FOXC2: variants seen among roughly 807,000 people sequenced by gnomAD.
FOXC2 encodes the protein forkhead box C2, also known as forkhead box protein C2.
FOXC2 carries 7 observed loss-of-function variants against 7.2 expected under a neutral mutation model. The ratio of observed to expected loss-of-function variants is 0.97; its 90% CI spans 0.55 to 1.81. The LOEUF (loss-of-function observed/expected upper bound fraction) is 1.81, where lower values mean the gene tolerates loss of function less well. Ranked by LOEUF, FOXC2 falls within the 40% of genes most tolerant of loss-of-function variation. The pLI, the probability that FOXC2 is intolerant of heterozygous loss-of-function variation, is 0.00. For synonymous variants in FOXC2, 436 were observed against 350.4 expected, an observed-to-expected ratio of 1.24 and a Z score of -2.73; for missense variants, 846 against 741.2, an observed-to-expected ratio of 1.14 and a Z score of -1.64.
At position 86,569,145 on chromosome 16, in the gene FOXC2, G is replaced by A. The variant is rs1394739867; in HGVS notation, c.*304G>A. 8 of 502,766 alleles carry A rather than the reference G, an allele frequency of 1.6e-5. No individual in the cohort carries two copies. The highest frequency in any genetic ancestry group is 3.0e-5 in the Non-Finnish European group (8 of 267,488). 31.1% of individuals were successfully genotyped at this position (502,766 alleles called of 1,614,324 possible). On this transcript the variant is annotated 3_prime_UTR_variant, in exon 1 of 1. Transcript: ENST00000649859. ...CTACCAGGACGGCTGTGCTGTGCTC[G>A]ACCTGAGCTTTCAAAAGTTAAGTTA... is the stretch of plus-strand genomic sequence containing the variant.
At position 86,566,935 on chromosome 16, in the gene FOXC2, G is replaced by C. The variant is rs970343721; in HGVS notation, c.-401G>C. ...ACCCTCGGGGCTGCCGATTCGCTGGGGGCTTGGAGAGCCTCCTGCGCCCCT... is the reference window on the plus strand; with the variant it reads ...ACCCTCGGGGCTGCCGATTCGCTGGCGGCTTGGAGAGCCTCCTGCGCCCCT... On this transcript the variant is annotated 5_prime_UTR_variant, in exon 1 of 1. Transcript: ENST00000649859. The surrounding 1 kb of genome is among the most constrained non-coding windows in gnomAD (Gnocchi z 4.3). Among the ~76,000 whole-genome samples, 11 of 152,096 alleles carry C rather than the reference G, an allele frequency of 7.2e-5. No homozygotes were observed. Among genetic ancestry groups the C allele is most frequent in the African/African-American group, 2.7e-4 (11 of 41,440 alleles).
rs766581061 is a variant in FOXC2, at chr16:86,568,304, C to T, written c.969C>T (p.Ala323=). 6.3e-6 allele frequency: 8 copies of T among 1,270,010 alleles called. No homozygotes were observed. Among genetic ancestry groups the T allele is most frequent in the East Asian group, 3.2e-5 (1 of 30,788 alleles). 78.7% of individuals were successfully genotyped at this position (1,270,010 alleles called of 1,614,324 possible). The change falls in exon 1 of 1, where the codon GCC becomes GCT. Residue 323 remains alanine (A), a synonymous_variant. Transcript: ENST00000649859. The surrounding 1 kb of genome is among the most constrained non-coding windows in gnomAD (Gnocchi z 5.2). ...AGCCGTGCGCTCAGGGCCTGGAGGC[C>T]GGGGCCGCCGGGGGCTACCAGTGCA... ...YGQPCAQGLE[A]GAAGGYQCSM...
rs1974208207 is a variant in FOXC2, at chr16:86,567,267, C to G, written c.-69C>G. On this transcript the variant is annotated 5_prime_UTR_variant, in exon 1 of 1. Coordinates refer to ENST00000649859, the MANE Select transcript of FOXC2 (RefSeq NM_005251.3). ...TGGCTCTCTCGCGCTCTCTCGCTCT[C>G]AGGGCCCCCCTCGCTCCCCCGGCCG... The G allele has an allele frequency of 6.3e-7, 1 of 1,583,680 alleles. No individual in the cohort carries two copies. Among genetic ancestry groups the G allele is most frequent in the Non-Finnish European group, 8.6e-7 (1 of 1,159,494 alleles).
In FOXC2 at chr16:86,568,877, G is replaced by C. The variant is rs974941689; in HGVS notation, c.*36G>C. On this transcript the variant is annotated 3_prime_UTR_variant, in exon 1 of 1. Coordinates refer to ENST00000649859, the MANE Select transcript of FOXC2 (RefSeq NM_005251.3). The surrounding 1 kb of genome is among the most constrained non-coding windows in gnomAD (Gnocchi z 5.2). ...GACCTCCCCTCCCCGGCCCGCTCCG[G>C]CTTCGCTTCCCAGCCCCGACCCAAC... is the stretch of plus-strand genomic sequence containing the variant. 6.2e-6 allele frequency: 10 copies of C among 1,610,784 alleles called. No individual in the cohort carries two copies. The highest frequency in any genetic ancestry group is 8.5e-6 in the Non-Finnish European group (10 of 1,178,946).
Position 86,568,367 on chromosome 16 carries a change from G to T in FOXC2, c.1032G>T (p.Arg344=). The change falls in exon 1 of 1, where the codon CGG becomes CGT. Residue 344 remains arginine, a synonymous_variant. Transcript: ENST00000649859. This position sits in a 1 kb window ranked among gnomAD's most constrained non-coding sequence, Gnocchi z 5.2. ...RAMSLYTGAE[R]PAHMCVPPAL... is the part of the protein sequence containing the mutation. ...TGAGCCTGTACACCGGGGCCGAGCG[G>T]CCGGCGCACATGTGCGTCCCGCCCG... 3 of 1,377,968 alleles carry T rather than the reference G, an allele frequency of 2.2e-6. No individual in the cohort carries two copies. The highest frequency in any genetic ancestry group is 2.7e-5 in the Admixed American group (1 of 36,772). The allele number at this position is 1,377,968 out of a possible 1,614,324, so 85.4% of individuals were successfully genotyped here.
Position 86,567,911 on chromosome 16 carries a change from G to C in FOXC2, c.576G>C (p.Lys192Asn). The C allele has an allele frequency of 1.9e-6, 3 of 1,579,302 alleles. No homozygotes were observed. Among genetic ancestry groups the C allele is most frequent in the Non-Finnish European group, 2.6e-6 (3 of 1,172,120 alleles). Reference protein sequence around the residue: ...HLKEPPPAASKGAPATPHLAD... With the variant: ...HLKEPPPAASNGAPATPHLAD... Reference sequence around the variant, plus strand: ...AGGAGCCGCCCCCGGCGGCGTCCAAGGGCGCCCCGGCCACCCCCCACCTAG... The same window carrying C: ...AGGAGCCGCCCCCGGCGGCGTCCAACGGCGCCCCGGCCACCCCCCACCTAG... The change falls in exon 1 of 1, where the codon AAG becomes AAC. Residue 192 changes from lysine (K) to asparagine (N), a missense_variant. By Grantham distance (94) the Lys-to-Asn change is moderately conservative. This residue lies in a region of FOXC2 where 640 missense variants were observed against 503.2 expected (regional missense o/e 1.27). Transcript: ENST00000649859.
rs200353178 is a variant in FOXC2 at position 86,568,848 on chromosome 16, C to T, written c.*7C>T. ...CGACTGCACGAAATACTGACGTGTCCCGGGACCTCCCCTCCCCGGCCCGCT... is the reference window on the plus strand; with the variant it reads ...CGACTGCACGAAATACTGACGTGTCTCGGGACCTCCCCTCCCCGGCCCGCT... On this transcript the variant is annotated 3_prime_UTR_variant, in exon 1 of 1. Transcript: ENST00000649859. The surrounding 1 kb of genome is among the most constrained non-coding windows in gnomAD (Gnocchi z 5.2). The T allele has an allele frequency of 5.6e-6, 9 of 1,612,466 alleles. No individual in the cohort carries two copies. The East Asian group carries it at 1.3e-4, about 24-fold the overall frequency.
chr16:86,567,865 A>G lies in FOXC2; in HGVS notation c.530A>G (p.Lys177Arg), dbSNP rs199924880. 6.2e-7 allele frequency: 1 copy of G among 1,611,820 alleles called. No individual in the cohort carries two copies. Among genetic ancestry groups the G allele is most frequent in the Non-Finnish European group, 8.5e-7 (1 of 1,179,946 alleles). ...RFKKKDVSKE[K>R]EERAHLKEPP... ...AAAAAGAAGGACGTGTCCAAGGAGA[A>G]GGAGGAGCGGGCCCACCTCAAGGAG... The change falls in exon 1 of 1, where the codon AAG becomes AGG. Residue 177 changes from lysine to arginine, a missense_variant. Transcript: ENST00000649859.
rs927749175 is a variant in FOXC2 at position 86,568,938 on chromosome 16, A to G, written c.*97A>G. 7.5e-5 allele frequency: 113 copies of G among 1,500,910 alleles called. No homozygotes were observed. Among genetic ancestry groups the G allele is most frequent in the Non-Finnish European group, 7.9e-5 (87 of 1,097,124 alleles). The allele number at this position is 1,500,910 out of a possible 1,614,324, so 93.0% of individuals were successfully genotyped here. On this transcript the variant is annotated 3_prime_UTR_variant, in exon 1 of 1. Transcript: ENST00000649859. This position sits in a 1 kb window ranked among gnomAD's most constrained non-coding sequence, Gnocchi z 5.2. The stretch of plus-strand genomic sequence containing the variant: ...AGGGGCTGCAGAGACGCAAAAAAGA[A>G]ACAAAACATGTCCACCAACCTTTTC...
At position 86,568,816 on chromosome 16, in the gene FOXC2, ACTC is replaced by A; in HGVS notation, c.1484_1486del (p.Ser495del). The A allele has an allele frequency of 6.2e-7, 1 of 1,611,536 alleles. No individual in the cohort carries two copies. Among genetic ancestry groups the A allele is most frequent in the Non-Finnish European group, 8.5e-7 (1 of 1,179,624 alleles). ...CCTCTCTATCGCCACGCAGCCCCCT[ACTC>A]CTACGACTGCACGAAATACTGACGT... On this transcript the variant is annotated inframe_deletion, in exon 1 of 1. Coordinates refer to ENST00000649859, the MANE Select transcript of FOXC2 (RefSeq NM_005251.3). This position sits in a 1 kb window ranked among gnomAD's most constrained non-coding sequence, Gnocchi z 5.2.
chr16:86,567,980 C>T lies in FOXC2; in HGVS notation c.645C>T (p.Ser215=), dbSNP rs1273409046. 2 of 1,520,602 alleles carry T rather than the reference C, an allele frequency of 1.3e-6. No individual in the cohort carries two copies. The highest frequency in any genetic ancestry group is 1.4e-5 in the African/African-American group (1 of 71,610). The allele number at this position is 1,520,602 out of a possible 1,614,324, so 94.2% of individuals were successfully genotyped here. ...CCGAGAAGAAGGTGGTGATCAAGAG[C>T]GAGGCGGCGTCCCCGGCGCTGCCGG... ...KEAEKKVVIK[S]EAASPALPVI... Residue 215 remains serine (S), a synonymous_variant, in exon 1 of 1, where the codon AGC becomes AGT. Transcript: ENST00000649859.
chr16:86,569,043 G>A lies in FOXC2; in HGVS notation c.*202G>A. The stretch of plus-strand genomic sequence containing the variant: ...GCAGGTAACTTTAATTCGCCGCCCC[G>A]TTTCTGGGATCCCAGGAAACCCCTC... On this transcript the variant is annotated 3_prime_UTR_variant, in exon 1 of 1. Transcript: ENST00000649859. 1 of 670,268 alleles carries A rather than the reference G, an allele frequency of 1.5e-6. No homozygotes were observed. Among genetic ancestry groups the A allele is most frequent in the South Asian group, 1.9e-5 (1 of 51,914 alleles). 41.5% of individuals were successfully genotyped at this position (670,268 alleles called of 1,614,324 possible). A position where few individuals can be genotyped will look rare whatever the true frequency, so the allele number is the denominator to read the frequency against.
At position 86,568,743 on chromosome 16, in the gene FOXC2, C is replaced by A. The variant is rs1398108687; in HGVS notation, c.1408C>A (p.Gln470Lys). ...TGAGAACTCGACCCTCGGGGAGTCC[C>A]AGGTGAGTGGCAATGCCAGCTGCCA... is the stretch of plus-strand genomic sequence containing the variant. ...GIENSTLGES[Q>K]VSGNASCQLP... Residue 470 changes from glutamine to lysine, a missense_variant, in exon 1 of 1, where the codon CAG (glutamine) becomes AAG (lysine). Gln to Lys is a moderately conservative substitution (Grantham distance 53). Around this residue, in one of 3 missense-constraint regions of FOXC2, gnomAD observed 640 missense variants for 503.2 expected, o/e 1.27. Transcript: ENST00000649859. The surrounding 1 kb of genome is among the most constrained non-coding windows in gnomAD (Gnocchi z 5.2). The A allele has an allele frequency of 6.2e-7, 1 of 1,612,974 alleles. No individual in the cohort carries two copies. Among genetic ancestry groups the A allele is most frequent in the Non-Finnish European group, 8.5e-7 (1 of 1,179,996 alleles).
Position 86,568,201 on chromosome 16 carries a change from C to CG in FOXC2, c.871dup (p.Ala291GlyfsTer172). On this transcript the variant is annotated frameshift_variant, in exon 1 of 1. Transcript: ENST00000649859. LOFTEE classifies it low-confidence loss of function (END_TRUNC). The surrounding 1 kb of genome is among the most constrained non-coding windows in gnomAD (Gnocchi z 5.2). ...TCGCCGCCGGGCGGAGAGCTGAGCC[C>CG]GGGGGCCGGACGCGCGGGCCTGGTG... 3 of 1,279,492 alleles carry CG rather than the reference C, an allele frequency of 2.3e-6. No individual in the cohort carries two copies. Among genetic ancestry groups the CG allele is most frequent in the South Asian group, 5.7e-5 (2 of 34,844 alleles). 79.3% of individuals were successfully genotyped at this position (1,279,492 alleles called of 1,614,324 possible).
chr16:86,569,087 CA>C lies in FOXC2; in HGVS notation c.*250del. The C allele has an allele frequency of 1.7e-6, 1 of 602,026 alleles. No individual in the cohort carries two copies. The highest frequency in any genetic ancestry group is 2.0e-5 in the South Asian group (1 of 49,828). The allele number at this position is 602,026 out of a possible 1,614,324, so 37.3% of individuals were successfully genotyped here. A position where few individuals can be genotyped will look rare whatever the true frequency, so the allele number is the denominator to read the frequency against. Reference sequence around the variant, plus strand: ...ACCCCTCCAAAGGGACGCAGCCCAACAAAATGAGTATTGATCTTAAAATCCC... The same window carrying C: ...ACCCCTCCAAAGGGACGCAGCCCAACAAATGAGTATTGATCTTAAAATCCC... On this transcript the variant is annotated 3_prime_UTR_variant, in exon 1 of 1. Transcript: ENST00000649859.
At position 86,568,805 on chromosome 16, in the gene FOXC2, C is replaced by A. The variant is rs1307600516; in HGVS notation, c.1470C>A (p.His490Gln). ...GATCCACGCCGCCTCTCTATCGCCA[C>A]GCAGCCCCCTACTCCTACGACTGCA... ...PYRSTPPLYR[H>Q]AAPYSYDCTK... Residue 490 changes from histidine to glutamine, a missense_variant, in exon 1 of 1, where the codon CAC becomes CAA. By Grantham distance (24) the His-to-Gln change is conservative. Transcript: ENST00000649859. The surrounding 1 kb of genome is among the most constrained non-coding windows in gnomAD (Gnocchi z 5.2). 1.9e-6 allele frequency: 3 copies of A among 1,612,966 alleles called. No individual in the cohort carries two copies. Among genetic ancestry groups the A allele is most frequent in the Non-Finnish European group, 1.7e-6 (2 of 1,179,956 alleles).
rs1974217219 is a variant in FOXC2 at position 86,567,713 on chromosome 16, C to G, written c.378C>G (p.Leu126=). 6.2e-7 allele frequency: 1 copy of G among 1,614,106 alleles called. No individual in the cohort carries two copies. Among genetic ancestry groups the G allele is most frequent in the Admixed American group, 1.7e-5 (1 of 60,016 alleles). ...ACAGCATCCGCCACAACCTCTCGCT[C>G]AACGAGTGCTTCGTCAAGGTGCCCC... ...WQNSIRHNLS[L]NECFVKVPRD... is the part of the protein sequence containing the mutation. The change falls in exon 1 of 1, where the codon CTC becomes CTG. Residue 126 remains leucine, a synonymous_variant. Transcript: ENST00000649859.
At position 86,569,339 on chromosome 16, in the gene FOXC2, TTC is replaced by T; in HGVS notation, c.*499_*500del. On this transcript the variant is annotated 3_prime_UTR_variant, in exon 1 of 1. Coordinates refer to ENST00000649859, the MANE Select transcript of FOXC2 (RefSeq NM_005251.3). ...GGCTATTTTGTTGTTGTTGTTGTTG[TTC>T]AGAGCCATTAATATAATATTTAAAG... 5.7e-6 allele frequency: 1 copy of T among 174,202 alleles called. No individual in the cohort carries two copies. Among genetic ancestry groups the T allele is most frequent in the Non-Finnish European group, 1.4e-5 (1 of 71,514 alleles). The allele number at this position is 174,202 out of a possible 1,614,324, so 10.8% of individuals were successfully genotyped here.
rs1974203569 is a variant in FOXC2, at chr16:86,567,003, C to A, written c.-333C>A. On this transcript the variant is annotated 5_prime_UTR_variant, in exon 1 of 1. Coordinates refer to ENST00000649859, the MANE Select transcript of FOXC2 (RefSeq NM_005251.3). The stretch of plus-strand genomic sequence containing the variant: ...GTCCACCTGGGTCCCCAGGCCGCGG[C>A]GTCTCCGCTGGGTCCGCGGCCGCCC... Among the ~76,000 whole-genome samples, 1 of 151,366 alleles carries A rather than the reference C, an allele frequency of 6.6e-6. No homozygotes were observed. The highest frequency in any genetic ancestry group is 2.1e-4 in the South Asian group (1 of 4,830).
Sources: gnomAD v4.1 joint callset for allele counts (sites outside exome capture counted in the v4.1 genomes callset) on GRCh38, gnomAD v4.1.1 for gene constraint, gnomAD v4.1.1 regional missense constraint, Gnocchi (gnomAD v3.1) non-coding constraint, MANE v1.5 for transcripts, NCBI Gene and HGNC (gene_info 2026-07-23, HGNC 2026-07-21) for gene names.